Variants in IMPG1 observed in about 807,000 individuals in gnomAD.
IMPG1 encodes interphotoreceptor matrix proteoglycan 1.
Under a neutral mutation model 92.0 loss-of-function variants are expected in IMPG1, and 85 were observed. The ratio of observed to expected loss-of-function variants is 0.92; its 90% CI spans 0.78 to 1.11. IMPG1 has a LOEUF of 1.11. Ranked by LOEUF, IMPG1 falls within the 50% of genes least tolerant of loss-of-function variation. The probability of loss-of-function intolerance (pLI) is 0.00; values close to 1 mark genes in which losing one functional copy is unlikely to be tolerated. For synonymous variants in IMPG1, 367 were observed against 334.1 expected (o/e 1.10, Z -1.08); for missense variants, 1,022 against 956.0 (o/e 1.07, Z -0.91).
At chr6:76,028,623 A>T (rs1562376133) in intron 4 of IMPG1, among the ~76,000 whole-genome samples, 1 of 152,244 alleles carries the variant, frequency 6.6e-6, no homozygotes, top group East Asian at 1.9e-4. Flanking sequence ...AGGTCAGGAG[A>T]TTGAGATCAT....
chr6:76,061,062 C>T (rs1252595810), intron 1 of IMPG1, among the ~76,000 whole-genome samples: 1 of 152,030 alleles, frequency 6.6e-6, no homozygotes, highest in Non-Finnish European at 1.5e-5. Flanking sequence ...TGGTTGCATT[C>T]TCATGATTAA....
At position 75,933,783 on chromosome 6, in the gene IMPG1, A is replaced by T. The variant is rs547683932; in HGVS notation, c.2045-2632T>A. On this transcript the variant is annotated intron_variant, in intron 14 of 16. Transcript: ENST00000369950. ...CAGTGGAAAGGGCAGTTATTTACAT[A>T]AACAGGGAGCTCACACTTATCAAAG... 2.6e-5 allele frequency among the ~76,000 whole-genome samples: 4 copies of T among 152,308 alleles called. No homozygotes were observed. The South Asian group carries it at 8.3e-4, about 32-fold the overall frequency.
intron 7 of IMPG1, among the ~76,000 whole-genome samples, chr6:76,018,013 G>A (rs1185061356): frequency 1.3e-5 from 2 of 152,176 alleles, no homozygotes; most frequent in African/African-American, 4.8e-5. Context: ...AAAGTGCTAG[G>A]ATTACAGGCA....
At chr6:76,060,243 T>A (rs1014964568) in intron 1 of IMPG1, among the ~76,000 whole-genome samples, 1 of 152,152 alleles carries the variant, frequency 6.6e-6, no homozygotes, top group African/African-American at 2.4e-5. Flanking sequence ...TGAATGTAAA[T>A]GGGAAAATAT....
intron 12 of IMPG1, among the ~76,000 whole-genome samples, chr6:76,000,357 C>A (rs1224619162): frequency 6.6e-6 from 1 of 152,172 alleles, no homozygotes; most frequent in East Asian, 1.9e-4. Flanking sequence ...TGTGTGATCA[C>A]CACCTCAATC....
At chr6:76,037,368 C>T (rs1783759593) in intron 2 of IMPG1, among the ~76,000 whole-genome samples, 1 of 152,120 alleles carries the variant, frequency 6.6e-6, no homozygotes, top group Admixed American at 6.6e-5. Context: ...GCAGTCCTGA[C>T]CACCTCAAAT....
intron 12 of IMPG1, among the ~76,000 whole-genome samples, chr6:75,983,524 T>C (rs1782663161): frequency 6.6e-6 from 1 of 152,190 alleles, no homozygotes; most frequent in Non-Finnish European, 1.5e-5. Context: ...GCTATCCATC[T>C]GCAGAAGAAT....
intron 1 of IMPG1, among the ~76,000 whole-genome samples, chr6:76,058,806 C>T (rs1056493936): frequency 6.6e-6 from 1 of 152,080 alleles, no homozygotes; most frequent in African/African-American, 2.4e-5. Context: ...GGCAACACTC[C>T]GTTTGAGTTT....
intron 12 of IMPG1, among the ~76,000 whole-genome samples, chr6:75,979,247 T>C (rs1347347739): frequency 3.3e-5 from 5 of 152,034 alleles, no homozygotes; most frequent in Admixed American, 2.0e-4. Flanking sequence ...ATAGTATCAG[T>C]GATGAGGTCC....
intron 7 of IMPG1, among the ~76,000 whole-genome samples, chr6:76,011,603 A>G (rs186732652): frequency 2.0e-5 from 3 of 152,028 alleles, no homozygotes; most frequent in Admixed American, 2.0e-4. Flanking sequence ...TTTTAATTAC[A>G]CTTTAAGTTT....
chr6:75,974,266 CTCTT>C (rs575122072), intron 12 of IMPG1, among the ~76,000 whole-genome samples: 229 of 151,548 alleles, frequency 1.5e-3, no homozygotes, highest in East Asian at 0.01. Context: ...TTCTTTCTCT[CTCTT>C]TCTTTCTCTC....
Position 76,005,486 on chromosome 6 carries a change from A to G in IMPG1, c.936T>C (p.Ser312=). ...CACTTGCAGGGCTTTTTGCTTCTGC[A>G]CTGTGTCTCTTAAAGATGGCCGTAA... is the stretch of plus-strand genomic sequence containing the variant. ...MQLTAIFKRH[S]AEAKSPASDL... is the part of the protein sequence containing the mutation. Residue 312 remains serine, a synonymous_variant, in exon 10 of 17, where the codon AGT becomes AGC. Transcript: ENST00000369950. 2 of 1,613,934 alleles carry G rather than the reference A, an allele frequency of 1.2e-6. No homozygotes were observed. The highest frequency in any genetic ancestry group is 1.7e-6 in the Non-Finnish European group (2 of 1,179,922).
At chr6:76,009,972 T>G (rs1374200821) in intron 8 of IMPG1, among the ~76,000 whole-genome samples, 4 of 152,248 alleles carry the variant, frequency 2.6e-5, no homozygotes, top group Non-Finnish European at 5.9e-5. Flanking sequence ...AACTTTTATT[T>G]TTCTCTAATC....
Position 75,966,507 on chromosome 6 carries a change from A to G in IMPG1, c.1292-15413T>C, listed in dbSNP as rs1782310017. 2.0e-5 allele frequency among the ~76,000 whole-genome samples: 3 copies of G among 152,126 alleles called. No individual in the cohort carries two copies. The South Asian group carries it at 6.2e-4, about 32-fold the overall frequency. On this transcript the variant is annotated intron_variant, in intron 12 of 16. Coordinates refer to ENST00000369950, the MANE Select transcript of IMPG1 (RefSeq NM_001563.4). Reference sequence around the variant, plus strand: ...CTCTTCTGCCTTCCATCATGAAATTATGCAGCCCAAAGGCCCTCACCAGAT... The same window carrying G: ...CTCTTCTGCCTTCCATCATGAAATTGTGCAGCCCAAAGGCCCTCACCAGAT...
chr6:75,996,852 A>T (rs1782910666), intron 12 of IMPG1, among the ~76,000 whole-genome samples: 1 of 152,194 alleles, frequency 6.6e-6, no homozygotes. Context: ...AGGAATAATT[A>T]TGGAAATCTA....
intron 12 of IMPG1, among the ~76,000 whole-genome samples, chr6:75,992,031 G>A (rs1262404623): frequency 6.6e-6 from 1 of 152,164 alleles, no homozygotes; most frequent in Non-Finnish European, 1.5e-5. Context: ...TTAAATCAGT[G>A]GACTCTGAGT....
chr6:75,953,389 C>A (rs907693973), intron 12 of IMPG1, among the ~76,000 whole-genome samples: 15 of 150,690 alleles, frequency 1.0e-4, no homozygotes, highest in Non-Finnish European at 2.1e-4. Flanking sequence ...TCTATATTAG[C>A]TATTTCCCCT....
chr6:76,069,165 G>A (rs867226908), intron 1 of IMPG1, among the ~76,000 whole-genome samples: 3 of 152,200 alleles, frequency 2.0e-5, no homozygotes, highest in Middle Eastern at 3.4e-3. Context: ...AAATTGGATA[G>A]CCATATGGAG....
At chr6:76,045,805 C>A (rs1271864430) in intron 1 of IMPG1, among the ~76,000 whole-genome samples, 5 of 152,110 alleles carry the variant, frequency 3.3e-5, no homozygotes, top group Non-Finnish European at 7.3e-5. Context: ...TGTTACTGAA[C>A]TGAACTTTTA....
Sources: gnomAD v4.1 joint callset for allele counts (sites outside exome capture counted in the v4.1 genomes callset) on GRCh38, gnomAD v4.1.1 for gene constraint, MANE v1.5 for transcripts, NCBI Gene and HGNC (gene_info 2026-07-23, HGNC 2026-07-21) for gene names.